The following LHFPL3 variants were observed in gnomAD, a reference collection of about 807,000 sequenced individuals.
LHFPL3 encodes LHFPL tetraspan subfamily member 3 protein.
In LHFPL3, 5 loss-of-function variants were observed where a neutral mutation model predicts 19.3. The ratio of observed to expected loss-of-function variants is 0.26; its 90% CI spans 0.14 to 0.54. The LOEUF (loss-of-function observed/expected upper bound fraction) is 0.54, where lower values mean the gene tolerates loss of function less well. LHFPL3 is among the 20% of genes least tolerant of loss of function. The pLI, the probability that LHFPL3 is intolerant of heterozygous loss-of-function variation, is 0.94. For missense variants in LHFPL3, 249 were observed against 307.4 expected (o/e 0.81, Z 1.42); for synonymous variants, 133 against 126.2 (o/e 1.05, Z -0.36).
chr7:104,797,751 CAAA>C (rs35550547), intron 2 of LHFPL3, among the ~76,000 whole-genome samples: 2 of 124,696 alleles, frequency 1.6e-5, no homozygotes, highest in Non-Finnish European at 3.4e-5. Flanking sequence ...CCCATCTCTA[CAAA>C]AAAAAAAAAA....
intron 1 of LHFPL3, among the ~76,000 whole-genome samples, chr7:104,676,117 G>A (rs748586377): frequency 6.6e-6 from 1 of 152,136 alleles, no homozygotes; most frequent in Admixed American, 6.5e-5. Flanking sequence ...GTATAGAAGA[G>A]TAATTTATGT....
intron 1 of LHFPL3, among the ~76,000 whole-genome samples, chr7:104,462,087 G>A (rs1792675935): frequency 6.6e-6 from 1 of 152,182 alleles, no homozygotes; most frequent in Admixed American, 6.5e-5. Context: ...TTTGTACATC[G>A]ATTGTATATC....
intron 1 of LHFPL3, among the ~76,000 whole-genome samples, chr7:104,556,605 G>A (rs1036476819): frequency 6.6e-6 from 1 of 152,212 alleles, no homozygotes; most frequent in African/African-American, 2.4e-5. Context: ...TTCTGTGATG[G>A]GGAGGTGCTG....
chr7:104,637,490 C>T (rs1462339993), intron 1 of LHFPL3, among the ~76,000 whole-genome samples: 1 of 152,118 alleles, frequency 6.6e-6, no homozygotes, highest in Admixed American at 6.6e-5. Context: ...CCTAGGTTAT[C>T]TTCTAGGATT....
At chr7:104,824,724 A>T (rs866751027) in intron 2 of LHFPL3, among the ~76,000 whole-genome samples, 42 of 94,410 alleles carry the variant, frequency 4.4e-4, no homozygotes, top group South Asian at 1.3e-3. Context: ...TTATATATAT[A>T]TTTTTTGAAA....
intron 1 of LHFPL3, among the ~76,000 whole-genome samples, chr7:104,501,607 G>C (rs765613867): frequency 5.3e-5 from 8 of 152,172 alleles, no homozygotes; most frequent in Non-Finnish European, 8.8e-5. Context: ...CTGGAGGTTT[G>C]AGGCTGTATT....
chr7:104,686,867 C>T (rs1792815200), intron 1 of LHFPL3, among the ~76,000 whole-genome samples: 1 of 152,188 alleles, frequency 6.6e-6, no homozygotes. Context: ...GCAAACAGGT[C>T]CTTTTTCACA....
intron 1 of LHFPL3, among the ~76,000 whole-genome samples, chr7:104,491,062 G>A (rs1227906992): frequency 6.6e-6 from 1 of 152,112 alleles, no homozygotes; most frequent in Non-Finnish European, 1.5e-5. Flanking sequence ...AGAAGATCCT[G>A]GTCTGGAAGA....
chr7:104,441,262 C>T (rs927564844), intron 1 of LHFPL3, among the ~76,000 whole-genome samples: 4 of 152,130 alleles, frequency 2.6e-5, no homozygotes, highest in African/African-American at 9.7e-5. Context: ...GACTATTTTA[C>T]ATGCCTCATA....
intron 2 of LHFPL3, among the ~76,000 whole-genome samples, chr7:104,755,573 C>T (rs1794267174): frequency 7.2e-6 from 1 of 138,692 alleles, no homozygotes; most frequent in Non-Finnish European, 1.6e-5. Context: ...CCCCCAACCC[C>T]CAACACCACC....
At chr7:104,419,069 A>T (rs759616912) in intron 1 of LHFPL3, among the ~76,000 whole-genome samples, 7 of 152,246 alleles carry the variant, frequency 4.6e-5, no homozygotes, top group Non-Finnish European at 8.8e-5. Flanking sequence ...ATTTAACAAG[A>T]TGTGAGAATA....
rs190775038 is a variant in LHFPL3 at position 104,628,432 on chromosome 7, G to C, written c.446-108243G>C. 2.6e-5 allele frequency among the ~76,000 whole-genome samples: 4 copies of C among 152,234 alleles called. No homozygotes were observed. The South Asian group carries it at 8.3e-4, about 32-fold the overall frequency. ...ACTGGCAAATAAAGTTGTAGAACTC[G>C]CCAAGCAACAGAAGTCAAATGCTCA... is the stretch of plus-strand genomic sequence containing the variant. On this transcript the variant is annotated intron_variant, in intron 1 of 2. Transcript: ENST00000424859.
chr7:104,680,580 C>T (rs762383164), intron 1 of LHFPL3, among the ~76,000 whole-genome samples: 3 of 152,186 alleles, frequency 2.0e-5, no homozygotes, highest in Non-Finnish European at 4.4e-5. Context: ...CATAGAAACA[C>T]CTCCCCTTGT....
chr7:104,578,389 T>C (rs1790384909), intron 1 of LHFPL3, among the ~76,000 whole-genome samples: 3 of 152,210 alleles, frequency 2.0e-5, no homozygotes, highest in African/African-American at 7.2e-5. Flanking sequence ...TACTGCTACA[T>C]CCATACTTCC....
At position 104,577,713 on chromosome 7, in the gene LHFPL3, A is replaced by G. The variant is rs376698346; in HGVS notation, c.446-158962A>G. ...ATGCCTTCTATAAATGCTAATGGCT[A>G]GGCAGGAGATGGATTTTATTCTCCA... On this transcript the variant is annotated intron_variant, in intron 1 of 2. Transcript: ENST00000424859. Among the ~76,000 whole-genome samples, 8 of 152,290 alleles carry G rather than the reference A, an allele frequency of 5.3e-5. No homozygotes were observed. The South Asian group carries it at 1.7e-3, about 32-fold the overall frequency.
At chr7:104,839,433 G>A (rs899750765) in intron 2 of LHFPL3, among the ~76,000 whole-genome samples, 3 of 152,108 alleles carry the variant, frequency 2.0e-5, no homozygotes, top group East Asian at 3.9e-4. Context: ...TTCGGAGGCC[G>A]AGGCAGGCAG....
chr7:104,879,036 G>A (rs1404305194), intron 2 of LHFPL3, among the ~76,000 whole-genome samples: 1 of 152,210 alleles, frequency 6.6e-6, no homozygotes, highest in African/African-American at 2.4e-5. Flanking sequence ...GGCTGAGAGA[G>A]GTGAGGAAGT....
Position 104,496,304 on chromosome 7 carries a change from C to A in LHFPL3, c.445+167080C>A, listed in dbSNP as rs529662092. Among the ~76,000 whole-genome samples, 16 of 151,026 alleles carry A rather than the reference C, an allele frequency of 1.1e-4. No individual in the cohort carries two copies. In the South Asian group the frequency reaches 3.1e-3, roughly 29 times the overall value. ...TCCCTACAAAGGACATGAATTCATC[C>A]TTTTTTATGGCTGCATAGTATTCCA... On this transcript the variant is annotated intron_variant, in intron 1 of 2. Coordinates refer to ENST00000424859, the MANE Select transcript of LHFPL3 (RefSeq NM_199000.3).
intron 1 of LHFPL3, among the ~76,000 whole-genome samples, chr7:104,630,490 T>A (rs1791620538): frequency 6.6e-6 from 1 of 152,110 alleles, no homozygotes; most frequent in African/African-American, 2.4e-5. Flanking sequence ...AAAGTGGGAT[T>A]TCTGAAATGG....
Sources: gnomAD v4.1 joint callset for allele counts (sites outside exome capture counted in the v4.1 genomes callset) on GRCh38, gnomAD v4.1.1 for gene constraint, MANE v1.5 for transcripts, NCBI Gene and HGNC (gene_info 2026-07-23, HGNC 2026-07-21) for gene names.